The following ARHGAP10 variants were observed in gnomAD, a reference collection of about 807,000 sequenced individuals.
The protein encoded by ARHGAP10 is Rho GTPase activating protein 10, also known as rho GTPase-activating protein 10.
In ARHGAP10, 87 loss-of-function variants were observed where a neutral mutation model predicts 108.6. The observed-to-expected ratio is 0.80, with a 90% CI of 0.67 to 0.96. The LOEUF (loss-of-function observed/expected upper bound fraction) is 0.96, where lower values mean the gene tolerates loss of function less well. Among genes scored for constraint, ARHGAP10 ranks in the 40% least tolerant of loss-of-function variants. ARHGAP10 has a pLI of 0.00. For missense variants in ARHGAP10, 939 were observed against 954.5 expected (o/e 0.98, Z 0.21); for synonymous variants, 347 against 341.1 (o/e 1.02, Z -0.19).
At chr4:147,830,022 G>C (rs1015496338) in intron 3 of ARHGAP10, among the ~76,000 whole-genome samples, 2 of 152,198 alleles carry the variant, frequency 1.3e-5, no homozygotes, top group African/African-American at 4.8e-5. Flanking sequence ...CTCTCATCCT[G>C]GGGGTGCTGG....
chr4:147,872,878 G>A (rs1047700266), intron 7 of ARHGAP10, among the ~76,000 whole-genome samples: 8 of 152,218 alleles, frequency 5.3e-5, no homozygotes, highest in Non-Finnish European at 1.2e-4. Context: ...CAAAGTTCAA[G>A]CCTGTGTTAA....
chr4:147,837,521 T>G (rs1307079475), intron 3 of ARHGAP10, among the ~76,000 whole-genome samples: 1 of 152,164 alleles, frequency 6.6e-6, no homozygotes, highest in Non-Finnish European at 1.5e-5. Context: ...ATGCCACTAT[T>G]GCTACTGGAT....
chr4:148,004,560 T>C (rs1483311360), intron 18 of ARHGAP10, among the ~76,000 whole-genome samples: 2 of 151,984 alleles, frequency 1.3e-5, no homozygotes, highest in East Asian at 3.8e-4. Flanking sequence ...TGCTTGGAAG[T>C]AATCAACCAC....
At chr4:147,972,835 A>G (rs1739461083) in intron 18 of ARHGAP10, among the ~76,000 whole-genome samples, 1 of 151,986 alleles carries the variant, frequency 6.6e-6, no homozygotes, top group African/African-American at 2.4e-5. Context: ...GCTCACTGCA[A>G]TCTCTGCCTA....
At chr4:147,823,131 A>C (rs899738156) in intron 3 of ARHGAP10, among the ~76,000 whole-genome samples, 174 bp downstream of exon 3, 6 of 152,136 alleles carry the variant, frequency 3.9e-5, no homozygotes, top group African/African-American at 1.4e-4. Context: ...GAGGGTGCTG[A>C]CCACGGTCAG....
intron 10 of ARHGAP10, among the ~76,000 whole-genome samples, chr4:147,883,854 C>A (rs1343711113): frequency 6.6e-6 from 1 of 151,922 alleles, no homozygotes; most frequent in Admixed American, 6.6e-5. Context: ...ACTACCAGAC[C>A]CGGCTAATTT....
chr4:147,848,345 G>A (rs942117318), intron 4 of ARHGAP10, among the ~76,000 whole-genome samples: 1 of 152,232 alleles, frequency 6.6e-6, no homozygotes, highest in African/African-American at 2.4e-5. Flanking sequence ...GATCATTGGG[G>A]GCACCACCCC....
At chr4:147,828,852 A>C (rs1255179254) in intron 3 of ARHGAP10, among the ~76,000 whole-genome samples, 1 of 151,164 alleles carries the variant, frequency 6.6e-6, no homozygotes. Context: ...ATGAATACAC[A>C]TGCCTCACCC....
At chr4:147,906,817 C>T in intron 11 of ARHGAP10, 98 bp downstream of exon 11, 3 of 1,465,760 alleles carry the variant, frequency 2.0e-6, no homozygotes, top group Non-Finnish European at 9.5e-7. Context: ...GAAAAGTTCC[C>T]TTCTATAACA....
At chr4:147,881,809 T>C in intron 9 of ARHGAP10, 29 bp from the exon 10 acceptor site, 1 of 1,607,720 alleles carries the variant, frequency 6.2e-7, no homozygotes, top group Non-Finnish European at 8.5e-7. Context: ...CCTGTAGGTT[T>C]TGAGAATGTT....
chr4:148,068,338 C>A lies in ARHGAP10; in HGVS notation c.2273-3655C>A, dbSNP rs149605957. On this transcript the variant is annotated intron_variant, in intron 22 of 22. Coordinates refer to ENST00000336498, the MANE Select transcript of ARHGAP10 (RefSeq NM_024605.4). ...GGAGCAGGTGTGGCCCAAATTAATC[C>A]TTAAAAGCCTCTGGCGATTAAACTT... Among the ~76,000 whole-genome samples the A allele has an allele frequency of 4.3e-3, 654 of 152,228 alleles. 20 individuals are homozygous for A. The highest frequency in any genetic ancestry group is 5.6e-3 in the East Asian group (29 of 5,162).
At position 148,063,239 on chromosome 4, in the gene ARHGAP10, C is replaced by T. The variant is rs753066268; in HGVS notation, c.2119C>T (p.Pro707Ser). ...CAACTCAGCTGTGACACCTCTTTCA[C>T]CCGGGTCGTCCCCTTTCCCCTTTTC... ...SSNSAVTPLS[P>S]GSSPFPFSPP... Residue 707 changes from proline (P) to serine (S), a missense_variant, in exon 21 of 23, where the codon CCC (proline) becomes TCC (serine). By Grantham distance (74) the Pro-to-Ser change is moderately conservative. Transcript: ENST00000336498. 3.7e-6 allele frequency: 6 copies of T among 1,614,074 alleles called. No individual in the cohort carries two copies. The East Asian group carries it at 1.1e-4, about 30-fold the overall frequency.
intron 14 of ARHGAP10, 29 bp downstream of exon 14, chr4:147,939,928 T>C (rs201248212): frequency 6.4e-7 from 1 of 1,558,268 alleles, no homozygotes; most frequent in East Asian, 2.2e-5. Flanking sequence ...CATTTTTCCA[T>C]GTGTTATTTG....
intron 15 of ARHGAP10, among the ~76,000 whole-genome samples, chr4:147,954,367 G>C (rs577938806): frequency 3.2e-4 from 49 of 151,964 alleles, no homozygotes; most frequent in Non-Finnish European, 4.9e-4. Flanking sequence ...CAAGTGTTTT[G>C]GGGCTCTCTT....
At chr4:147,891,674 T>C (rs545782795) in intron 10 of ARHGAP10, among the ~76,000 whole-genome samples, 2 of 152,322 alleles carry the variant, frequency 1.3e-5, no homozygotes, top group African/African-American at 4.8e-5. Context: ...ATACCTACCA[T>C]AGCTAAAAGA....
intron 1 of ARHGAP10, among the ~76,000 whole-genome samples, chr4:147,777,325 T>C (rs565617489): frequency 8.1e-4 from 123 of 151,650 alleles, no homozygotes; most frequent in Middle Eastern, 3.4e-3. Flanking sequence ...GTGGCGCGAT[T>C]TCGGCTCACT....
At chr4:147,746,174 G>T (rs999639853) in intron 1 of ARHGAP10, among the ~76,000 whole-genome samples, 2 of 151,852 alleles carry the variant, frequency 1.3e-5, no homozygotes, top group East Asian at 1.9e-4. Context: ...CGTGATCTTG[G>T]CTCACTGCAT....
At chr4:148,016,341 A>G (rs1003549323) in intron 18 of ARHGAP10, among the ~76,000 whole-genome samples, 6 of 152,046 alleles carry the variant, frequency 3.9e-5, no homozygotes, top group African/African-American at 1.4e-4. Context: ...TGTCTCTACA[A>G]AAACGTTAAA....
chr4:147,862,075 A>G (rs1027414004), intron 5 of ARHGAP10: 1 of 152,390 alleles, frequency 6.6e-6, no homozygotes, highest in African/African-American at 2.4e-5. Context: ...TATTTGTGCC[A>G]AGAGGTGCCT....
Sources: allele counts gnomAD v4.1 joint callset (sites outside exome capture counted in the v4.1 genomes callset), GRCh38; gene constraint gnomAD v4.1.1; transcripts MANE v1.5; gene names NCBI Gene and HGNC (gene_info 2026-07-23, HGNC 2026-07-21).